The following MYO18B variants were observed in gnomAD, a reference collection of about 807,000 sequenced individuals.
The protein encoded by MYO18B is unconventional myosin-XVIIIb.
A neutral mutation model predicts 273.0 loss-of-function variants in MYO18B; 204 were observed. The ratio of observed to expected loss-of-function variants is 0.75; its 90% CI spans 0.67 to 0.84. The LOEUF is 0.84. Among genes scored for constraint, MYO18B ranks in the 40% least tolerant of loss-of-function variants. The probability of loss-of-function intolerance (pLI) is 0.00; values close to 1 mark genes in which losing one functional copy is unlikely to be tolerated. For synonymous variants in MYO18B, 1,330 were observed against 1,305.7 expected, an observed-to-expected ratio of 1.02 and a Z score of -0.40; for missense variants, 3,212 against 3,287.6, an observed-to-expected ratio of 0.98 and a Z score of 0.56.
At chr22:25,769,934 C>T (rs753256494) in intron 4 of MYO18B, 176 bp from the exon 5 acceptor site, 125 of 664,256 alleles carry the variant, frequency 1.9e-4, no homozygotes, top group Middle Eastern at 8.0e-4. Flanking sequence ...CTCGGCTCCA[C>T]CTCCCGGGTC....
chr22:26,005,432 T>C (rs1934341657), intron 42 of MYO18B, among the ~76,000 whole-genome samples: 1 of 152,224 alleles, frequency 6.6e-6, no homozygotes, highest in South Asian at 2.1e-4. Flanking sequence ...AGGTGTGGCC[T>C]GATATGGGAG....
rs133879 is a variant in MYO18B, at chr22:25,761,376, C to T, written c.39+245C>T. Among the ~76,000 whole-genome samples the T allele has an allele frequency of 6.1e-3, 885 of 145,110 alleles. 12 individuals are homozygous for T. Among genetic ancestry groups the T allele is most frequent in the African/African-American group, 0.022 (837 of 37,902 alleles). ...AGGGCTGCCTGGTTGTTTCCTGTTC[C>T]ACAGGTGGTGGTGGTGGTGGTGGGG... On this transcript the variant is annotated intron_variant, in intron 2 of 43. Coordinates refer to ENST00000335473, the MANE Select transcript of MYO18B (RefSeq NM_032608.7).
intron 1 of MYO18B, among the ~76,000 whole-genome samples, chr22:25,742,621 G>A (rs967460586): frequency 6.6e-6 from 1 of 152,288 alleles, no homozygotes; most frequent in Middle Eastern, 3.4e-3. Context: ...TCTCCACTGT[G>A]AATCTTTGCC....
chr22:25,989,259 C>T (rs1449269401), intron 39 of MYO18B, among the ~76,000 whole-genome samples: 10 of 152,140 alleles, frequency 6.6e-5, no homozygotes, highest in Non-Finnish European at 1.0e-4. Context: ...TGTGGTCTCC[C>T]GGCGGCGTGA....
chr22:25,939,705 TG>T (rs1309393527), intron 34 of MYO18B, among the ~76,000 whole-genome samples: 1 of 152,200 alleles, frequency 6.6e-6, no homozygotes, highest in African/African-American at 2.4e-5. Context: ...AAGTGGATGC[TG>T]GGCATGTACC....
In MYO18B at chr22:25,769,161, C is replaced by T; in HGVS notation, c.1245C>T (p.Gly415=). The T allele has an allele frequency of 6.2e-7, 1 of 1,612,860 alleles. No homozygotes were observed. Among genetic ancestry groups the T allele is most frequent in the Non-Finnish European group, 8.5e-7 (1 of 1,179,474 alleles). ...AGEARSQTEK[G]CEAPKEVSTM... is the part of the protein sequence containing the mutation. ...AAGCTCGGAGTCAGACAGAGAAGGGCTGTGAAGCCCCAAAGGAGGTGAGCA... is the reference window on the plus strand; with the variant it reads ...AAGCTCGGAGTCAGACAGAGAAGGGTTGTGAAGCCCCAAAGGAGGTGAGCA... Residue 415 remains glycine, a synonymous_variant, in exon 4 of 44, where the codon GGC becomes GGT. Coordinates refer to ENST00000335473, the MANE Select transcript of MYO18B (RefSeq NM_032608.7).
intron 39 of MYO18B, among the ~76,000 whole-genome samples, chr22:25,979,833 C>T (rs1424641870): frequency 1.3e-5 from 2 of 152,066 alleles, no homozygotes; most frequent in Non-Finnish European, 2.9e-5. Flanking sequence ...CCCAAGAGAG[C>T]CTTAGCCACC....
At chr22:25,753,125 C>T (rs1216278186) in intron 1 of MYO18B, among the ~76,000 whole-genome samples, 1 of 152,340 alleles carries the variant, frequency 6.6e-6, no homozygotes. Context: ...CTCCACGGCA[C>T]CGCGTCCCAT....
chr22:25,958,873 C>T (rs187852070), intron 39 of MYO18B, among the ~76,000 whole-genome samples: 2 of 152,194 alleles, frequency 1.3e-5, no homozygotes, highest in African/African-American at 4.8e-5. Flanking sequence ...CATATGTTCT[C>T]TCTAAACTAC....
At chr22:25,827,040 T>C (rs3859878) in intron 14 of MYO18B, among the ~76,000 whole-genome samples, 137,046 of 152,220 alleles carry the variant, frequency 0.9, 62,783 homozygotes, top group Non-Finnish European at 0.99. Flanking sequence ...CTAGCCTGGG[T>C]GACAGAGCGA....
chr22:25,783,820 A>T (rs959958540), intron 10 of MYO18B, among the ~76,000 whole-genome samples: 2 of 152,198 alleles, frequency 1.3e-5, no homozygotes, highest in Admixed American at 1.3e-4. Context: ...CAGGGACCCT[A>T]AGAGAGTGAG....
intron 29 of MYO18B, chr22:25,899,811 G>GGTTCAGATGAGTGACTGATA (rs2091894373): frequency 6.6e-6 from 1 of 152,112 alleles, no homozygotes; most frequent in Non-Finnish European, 1.5e-5. Flanking sequence ...AGTGACTGAT[G>GGTTCAGATGAGTGACTGATA]GTTCAGATGG....
intron 34 of MYO18B, among the ~76,000 whole-genome samples, chr22:25,929,298 G>A (rs1318126659): frequency 2.0e-5 from 3 of 152,174 alleles, no homozygotes; most frequent in African/African-American, 7.2e-5. Context: ...TCTTGGAACA[G>A]GTAGGCAGAC....
At position 25,994,798 on chromosome 22, in the gene MYO18B, C is replaced by G. The variant is rs577985346; in HGVS notation, c.6287+2305C>G. Among the ~76,000 whole-genome samples, 25 of 152,336 alleles carry G rather than the reference C, an allele frequency of 1.6e-4. No homozygotes were observed. The East Asian group carries it at 4.4e-3, about 27-fold the overall frequency. On this transcript the variant is annotated intron_variant, in intron 40 of 43. Transcript: ENST00000335473. ...TTGTTTGATGCTTGGGCTGGCTTCT[C>G]CATTCATAGAAACAATAGAGCTTTT...
intron 33 of MYO18B, 73 bp from the exon 34 acceptor site, chr22:25,921,184 C>T (rs532396947): frequency 3.4e-6 from 5 of 1,459,432 alleles, no homozygotes; most frequent in Admixed American, 4.4e-5. Context: ...AACCAGGGAA[C>T]CTGATTCCGG....
At chr22:25,846,038 C>T in intron 18 of MYO18B, 62 bp from the exon 19 acceptor site, 1 of 1,399,424 alleles carries the variant, frequency 7.1e-7, no homozygotes, top group Non-Finnish European at 9.3e-7. Flanking sequence ...TGCCACCACC[C>T]AGGCCAAGGC....
rs1249384230 is a variant in MYO18B at position 25,780,171 on chromosome 22, A to G, written c.2184A>G (p.Thr728=). ...SMVMSLDFNA[T]GRITAAQLQT... is the part of the protein sequence containing the mutation. ...TGATGTCGCTGGACTTCAACGCTAC[A>G]GGCCGCATCACAGCTGCTCAGCTCC... The change falls in exon 9 of 44, where the codon ACA becomes ACG. Residue 728 remains threonine (T), a synonymous_variant. Transcript: ENST00000335473. The G allele has an allele frequency of 1.2e-6, 2 of 1,606,024 alleles. No homozygotes were observed. Among genetic ancestry groups the G allele is most frequent in the South Asian group, 2.2e-5 (2 of 89,342 alleles).
chr22:26,041,221 A>G, the MYO18B span, among the ~76,000 whole-genome samples: 8 of 151,900 alleles, frequency 5.3e-5, no homozygotes, highest in Admixed American at 3.3e-4. Flanking sequence ...AATTCTTCCA[A>G]TGTGGCCCAG....
chr22:25,772,184 C>G, intron 6 of MYO18B, 150 bp from the exon 7 acceptor site: 1 of 687,506 alleles, frequency 1.5e-6, no homozygotes, highest in Non-Finnish European at 2.4e-6. Flanking sequence ...TCATTGCTTT[C>G]CATCCAGAGT....
Sources: gnomAD v4.1 joint callset for allele counts (sites outside exome capture counted in the v4.1 genomes callset) on GRCh38, gnomAD v4.1.1 for gene constraint, MANE v1.5 for transcripts, NCBI Gene and HGNC (gene_info 2026-07-23, HGNC 2026-07-21) for gene names.